TNS3: variants seen among roughly 807,000 people sequenced by gnomAD.
TNS3 encodes tensin-3.
Under a neutral mutation model 140.9 loss-of-function variants are expected in TNS3, and 45 were observed. That is an observed-to-expected ratio of 0.32 (90% CI 0.25 to 0.41). TNS3 has a LOEUF of 0.41. TNS3 is among the 10% of genes least tolerant of loss of function. The pLI, the probability that TNS3 is intolerant of heterozygous loss-of-function variation, is 1.00. For synonymous variants in TNS3, 815 were observed against 788.4 expected (o/e 1.03, Z -0.56); for missense variants, 1,716 against 1,906.7 (o/e 0.90, Z 1.86).
At chr7:47,336,997 C>T (rs1788670336) in intron 20 of TNS3, among the ~76,000 whole-genome samples, 1 of 152,166 alleles carries the variant, frequency 6.6e-6, no homozygotes, top group African/African-American at 2.4e-5. Flanking sequence ...AAGAATCCTG[C>T]TTTTCATCCC....
At chr7:47,365,454 A>G (rs751352683) in intron 17 of TNS3, among the ~76,000 whole-genome samples, 3 of 150,288 alleles carry the variant, frequency 2.0e-5, no homozygotes, top group Non-Finnish European at 4.4e-5. Flanking sequence ...CAAAAAAAAA[A>G]AAAAAGTGTT....
chr7:47,294,607 T>C (rs533994462), intron 24 of TNS3, among the ~76,000 whole-genome samples: 3 of 152,346 alleles, frequency 2.0e-5, no homozygotes, highest in Admixed American at 6.5e-5. Context: ...AAACTTCTAA[T>C]ATTTCTGGTG....
intron 16 of TNS3, among the ~76,000 whole-genome samples, chr7:47,390,787 C>T (rs917767192): frequency 2.0e-5 from 3 of 152,190 alleles, no homozygotes; most frequent in African/African-American, 7.2e-5. Flanking sequence ...ACTCATCTAC[C>T]TCCTAAATAT....
chr7:47,503,226 G>A (rs1458552267), intron 3 of TNS3, among the ~76,000 whole-genome samples: 1 of 152,150 alleles, frequency 6.6e-6, no homozygotes, highest in Non-Finnish European at 1.5e-5. Context: ...GAGCAAATGT[G>A]TCTGCAAGTG....
chr7:47,500,112 C>T (rs952015850), intron 3 of TNS3, among the ~76,000 whole-genome samples: 1 of 152,130 alleles, frequency 6.6e-6, no homozygotes, highest in African/African-American at 2.4e-5. Flanking sequence ...CACACACACA[C>T]TTGGCAAACA....
chr7:47,294,570 T>A (rs958735104), intron 24 of TNS3, among the ~76,000 whole-genome samples: 2 of 152,212 alleles, frequency 1.3e-5, no homozygotes, highest in East Asian at 3.8e-4. Context: ...GCTTCCTTCA[T>A]CACCCTCCAT....
intron 21 of TNS3, 57 bp downstream of exon 21, chr7:47,304,775 C>G: frequency 2.3e-6 from 3 of 1,331,374 alleles, no homozygotes; most frequent in Non-Finnish European, 2.9e-6. Context: ...ACATGCCTCT[C>G]AGCATTCTGG....
rs41280696 is a variant in TNS3 at position 47,291,996 on chromosome 7, G to C, written c.3887C>G (p.Thr1296Arg). ...CAGCTCAGCTGCTGAATTGGCTGCC[G>C]TCTGGGGAGAACTTTCTGCTATTTC... is the stretch of plus-strand genomic sequence containing the variant. ...LEEIAESSPQ[T>R]AANSAAELLK... The change falls in exon 27 of 31, where the codon ACG becomes AGG. Residue 1296 changes from threonine (T) to arginine (R), a missense_variant. Around this residue, in one of 3 missense-constraint regions of TNS3, gnomAD observed 216 missense variants for 295.7 expected, o/e 0.73. Coordinates refer to ENST00000311160, the MANE Select transcript of TNS3 (RefSeq NM_022748.12). The C allele has an allele frequency of 1.1e-5, 17 of 1,614,162 alleles. No homozygotes were observed. The highest frequency in any genetic ancestry group is 1.4e-5 in the Non-Finnish European group (17 of 1,180,026).
intron 21 of TNS3, among the ~76,000 whole-genome samples, 192 bp from the exon 22 acceptor site, chr7:47,303,776 C>T (rs1317761569): frequency 6.6e-6 from 1 of 152,216 alleles, no homozygotes; most frequent in Non-Finnish European, 1.5e-5. Flanking sequence ...GCCTTTCAAG[C>T]CCCCATTTCA....
chr7:47,501,171 A>C (rs1798202721), intron 3 of TNS3, among the ~76,000 whole-genome samples: 1 of 80,818 alleles, frequency 1.2e-5, no homozygotes. Context: ...AAAGGGAGGA[A>C]GAGAGGAAGG....
At chr7:47,530,573 G>A (rs573746027) in intron 1 of TNS3, among the ~76,000 whole-genome samples, 79 of 151,630 alleles carry the variant, frequency 5.2e-4, no homozygotes, top group African/African-American at 1.7e-3. Flanking sequence ...CCTGTAATCC[G>A]AGCACTTTGG....
At chr7:47,405,741 G>A (rs1031949407) in intron 13 of TNS3, among the ~76,000 whole-genome samples, 4 of 152,196 alleles carry the variant, frequency 2.6e-5, no homozygotes, top group Non-Finnish European at 5.9e-5. Flanking sequence ...CTGGGGCAGA[G>A]TCTCAGGAGA....
intron 1 of TNS3, among the ~76,000 whole-genome samples, chr7:47,562,989 C>A (rs2152000971): frequency 6.6e-6 from 1 of 152,336 alleles, no homozygotes; most frequent in East Asian, 1.9e-4. Context: ...CACAGCCCCA[C>A]CCCCAGCTCC....
chr7:47,520,300 G>A (rs1469875849), intron 2 of TNS3, among the ~76,000 whole-genome samples: 5 of 152,142 alleles, frequency 3.3e-5, no homozygotes. Context: ...CACCCAGAGA[G>A]TAGCATTACA....
chr7:47,462,894 T>C (rs1259458598), intron 4 of TNS3, among the ~76,000 whole-genome samples: 2 of 152,122 alleles, frequency 1.3e-5, no homozygotes, highest in Admixed American at 1.3e-4. Context: ...AGCCAGAAAG[T>C]GGGCTGGGAT....
chr7:47,537,360 G>T (rs1440344999), intron 1 of TNS3, among the ~76,000 whole-genome samples: 3 of 152,062 alleles, frequency 2.0e-5, no homozygotes, highest in Non-Finnish European at 4.4e-5. Context: ...AGGCGCGAGC[G>T]CACGGTCCCG....
chr7:47,378,272 T>C (rs1791526124), intron 16 of TNS3, among the ~76,000 whole-genome samples: 1 of 151,974 alleles, frequency 6.6e-6, no homozygotes, highest in African/African-American at 2.4e-5. Flanking sequence ...GACAGAGGAG[T>C]GCTCCATGAA....
intron 20 of TNS3, among the ~76,000 whole-genome samples, chr7:47,327,415 G>C (rs1179021235): frequency 6.6e-6 from 1 of 152,206 alleles, no homozygotes; most frequent in African/African-American, 2.4e-5. Context: ...AAACAACTGT[G>C]CTGGGTGCTC....
chr7:47,367,281 C>T lies in TNS3; in HGVS notation c.2281+1084G>A, dbSNP rs1294043270. ...TCCCCTACCTGAGACAACCCTGCTC[C>T]GTCCCAATGCCCCTCTCTGCCTGCT... On this transcript the variant is annotated intron_variant, in intron 17 of 30. Transcript: ENST00000311160. Among the ~76,000 whole-genome samples, 5 of 152,216 alleles carry T rather than the reference C, an allele frequency of 3.3e-5. No individual in the cohort carries two copies. In the East Asian group the frequency reaches 5.8e-4, roughly 18 times the overall value.
Sources: allele counts gnomAD v4.1 joint callset (sites outside exome capture counted in the v4.1 genomes callset), GRCh38; gene constraint gnomAD v4.1.1; regional missense constraint gnomAD v4.1.1; transcripts MANE v1.5; gene names NCBI Gene and HGNC (gene_info 2026-07-23, HGNC 2026-07-21).